The following RBFOX1 variants were observed in gnomAD, a reference collection of about 807,000 sequenced individuals.
The protein encoded by RBFOX1 is RNA binding fox-1 homolog 1, also known as RNA binding protein fox-1 homolog 1.
Under a neutral mutation model 57.7 loss-of-function variants are expected in RBFOX1, and 8 were observed. That is an observed-to-expected ratio of 0.14 (90% CI 0.08 to 0.25). The LOEUF is 0.25. Among genes scored for constraint, RBFOX1 ranks in the 10% least tolerant of loss-of-function variants. The pLI is 1.00. For missense variants in RBFOX1, 611 were observed against 548.5 expected (o/e 1.11, Z -1.14); for synonymous variants, 326 against 222.4 (o/e 1.47, Z -4.15).
At chr16:6,053,981 A>G (rs1487004997) in intron 1 of RBFOX1, among the ~76,000 whole-genome samples, 1 of 152,174 alleles carries the variant, frequency 6.6e-6, no homozygotes, top group East Asian at 1.9e-4. Flanking sequence ...GCTTGAGCCC[A>G]GGAGGTTGAG....
Position 7,403,040 on chromosome 16 carries a change from G to C in RBFOX1, c.28-115107G>C, listed in dbSNP as rs552630545. On this transcript the variant is annotated intron_variant, in intron 4 of 15. Transcript: ENST00000550418. ...TCACGATGCAGTTGTGGAATAAAAT[G>C]AGGCTTGATTTCTCCTGGATTATCT... 5.9e-5 allele frequency among the ~76,000 whole-genome samples: 9 copies of C among 152,340 alleles called. No individual in the cohort carries two copies. The South Asian group carries it at 1.9e-3, about 32-fold the overall frequency.
At chr16:7,547,598 C>T (rs1320970830) in intron 5 of RBFOX1, among the ~76,000 whole-genome samples, 1 of 152,156 alleles carries the variant, frequency 6.6e-6, no homozygotes, top group African/African-American at 2.4e-5. Context: ...ACACTGCTGG[C>T]AGTGTTAGAA....
chr16:6,940,969 A>G (rs1259564757), intron 3 of RBFOX1, among the ~76,000 whole-genome samples: 2 of 151,762 alleles, frequency 1.3e-5, no homozygotes, highest in Non-Finnish European at 2.9e-5. Flanking sequence ...GGCCTCTCAA[A>G]GTGCTGGGAT....
intron 11 of RBFOX1, among the ~76,000 whole-genome samples, chr16:7,644,984 A>T (rs761779385): frequency 4.6e-5 from 7 of 152,220 alleles, no homozygotes; most frequent in Admixed American, 1.3e-4. Context: ...AGGCTGGAGA[A>T]AAAAGAGACA....
intron 4 of RBFOX1, among the ~76,000 whole-genome samples, chr16:7,140,157 C>CCCCTCT (rs1337651557): frequency 5.6e-5 from 4 of 70,868 alleles, no homozygotes; most frequent in African/African-American, 2.4e-4. Context: ...TCCTTCTCTC[C>CCCCTCT]CTCTCTCTCT....
intron 1 of RBFOX1, among the ~76,000 whole-genome samples, chr16:6,170,016 A>G (rs72774554): frequency 0.14 from 21,067 of 152,072 alleles, 1,690 homozygotes; most frequent in Middle Eastern, 0.24. Flanking sequence ...CGATCCACCC[A>G]CTTCGGCCTC....
intron 2 of RBFOX1, among the ~76,000 whole-genome samples, chr16:6,335,797 A>AAAAAAAGAAAAG (rs1555630917): frequency 1.3e-5 from 2 of 149,656 alleles, no homozygotes; most frequent in African/African-American, 5.0e-5. Context: ...AAAAGAAAAA[A>AAAAAAAGAAAAG]AAAAGAAAAG....
At chr16:6,208,975 A>T (rs777109605) in intron 1 of RBFOX1, among the ~76,000 whole-genome samples, 17 of 152,020 alleles carry the variant, frequency 1.1e-4, no homozygotes, top group Non-Finnish European at 2.9e-5. Context: ...TTGTGACCCA[A>T]CTGGGTCTTT....
At chr16:6,419,761 A>G (rs1484371850) in intron 2 of RBFOX1, among the ~76,000 whole-genome samples, 1 of 152,102 alleles carries the variant, frequency 6.6e-6, no homozygotes, top group African/African-American at 2.4e-5. Flanking sequence ...CACACACCGC[A>G]ATTTTTGCCT....
intron 2 of RBFOX1, among the ~76,000 whole-genome samples, chr16:6,564,387 G>C (rs1292307762): frequency 2.6e-5 from 4 of 152,124 alleles, no homozygotes; most frequent in African/African-American, 9.7e-5. Flanking sequence ...GTGAACCCAG[G>C]AGACAGAGCT....
intron 3 of RBFOX1, among the ~76,000 whole-genome samples, chr16:6,823,615 C>T (rs2091687851): frequency 6.6e-6 from 1 of 152,104 alleles, no homozygotes; most frequent in Admixed American, 6.5e-5. Context: ...AATATTCCAC[C>T]AGTTTTCCTC....
chr16:6,784,224 C>G (rs185779725), intron 3 of RBFOX1, among the ~76,000 whole-genome samples: 1 of 152,028 alleles, frequency 6.6e-6, no homozygotes, highest in Non-Finnish European at 1.5e-5. Flanking sequence ...TCTTTCTCTA[C>G]TTCTTCTTCA....
chr16:6,580,267 A>G (rs1014913009), intron 2 of RBFOX1, among the ~76,000 whole-genome samples: 6 of 152,144 alleles, frequency 3.9e-5, no homozygotes, highest in Non-Finnish European at 8.8e-5. Context: ...AGGCCTGTTC[A>G]TCTTTTAAGG....
At chr16:7,575,737 T>C (rs2152808568) in intron 5 of RBFOX1, among the ~76,000 whole-genome samples, 1 of 152,240 alleles carries the variant, frequency 6.6e-6, no homozygotes, top group South Asian at 2.1e-4. Context: ...TATAGAGACA[T>C]AAAACGCTGG....
At chr16:5,886,671 TGAGG>T (rs2057906771) in intron 4 of RBFOX1, among the ~76,000 whole-genome samples, 1 of 152,216 alleles carries the variant, frequency 6.6e-6, no homozygotes, top group South Asian at 2.1e-4. Flanking sequence ...GCAGATCATC[TGAGG>T]TCAGGAGTTT....
chr16:6,115,566 C>T (rs991927909), intron 1 of RBFOX1, among the ~76,000 whole-genome samples: 1 of 152,136 alleles, frequency 6.6e-6, no homozygotes, highest in Non-Finnish European at 1.5e-5. Context: ...TCTGTCCTTG[C>T]ATGGCAGCCA....
intron 3 of RBFOX1, among the ~76,000 whole-genome samples, chr16:6,721,197 C>G (rs1224078778): frequency 6.6e-6 from 1 of 152,310 alleles, no homozygotes; most frequent in Middle Eastern, 3.4e-3. Context: ...AATCCCAGTA[C>G]TTTGGAAGGC....
At chr16:5,949,509 G>A (rs377657874) in intron 4 of RBFOX1, among the ~76,000 whole-genome samples, 18 of 135,804 alleles carry the variant, frequency 1.3e-4, no homozygotes, top group African/African-American at 5.2e-4. Flanking sequence ...CTGGGTGGCA[G>A]TGCGAGAGTC....
At chr16:6,238,552 G>T (rs1598686664) in intron 1 of RBFOX1, among the ~76,000 whole-genome samples, 1 of 152,146 alleles carries the variant, frequency 6.6e-6, no homozygotes, top group Non-Finnish European at 1.5e-5. Context: ...CCCAGATAAA[G>T]TGTCATTAAG....
Sources: gnomAD v4.1 joint callset for allele counts (sites outside exome capture counted in the v4.1 genomes callset) on GRCh38, gnomAD v4.1.1 for gene constraint, MANE v1.5 for transcripts, NCBI Gene and HGNC (gene_info 2026-07-23, HGNC 2026-07-21) for gene names.